The following ST6GALNAC3 variants were observed in gnomAD, a reference collection of about 807,000 sequenced individuals.
ST6GALNAC3 encodes alpha-N-acetylgalactosaminide alpha-2,6-sialyltransferase 3.
ST6GALNAC3 carries 25 observed loss-of-function variants against 32.7 expected under a neutral mutation model. The observed-to-expected ratio is 0.76, with a 90% confidence interval of 0.56 to 1.07. The LOEUF is 1.07. ST6GALNAC3 is among the 50% of genes least tolerant of loss of function. ST6GALNAC3 has a pLI of 0.00. For synonymous variants in ST6GALNAC3, 129 were observed against 133.1 expected, an observed-to-expected ratio of 0.97 and a Z score of 0.21; for missense variants, 355 against 382.4, an observed-to-expected ratio of 0.93 and a Z score of 0.60.
At chr1:76,510,971 A>G (rs181337540) in intron 3 of ST6GALNAC3, among the ~76,000 whole-genome samples, 1 of 152,328 alleles carries the variant, frequency 6.6e-6, no homozygotes, top group East Asian at 1.9e-4. Context: ...AGGTCAAACC[A>G]TCATAAATTG....
intron 3 of ST6GALNAC3, among the ~76,000 whole-genome samples, chr1:76,422,311 A>G (rs1216960291): frequency 6.6e-6 from 1 of 152,008 alleles, no homozygotes; most frequent in East Asian, 1.9e-4. Context: ...CCACTCAGAA[A>G]CAGTGCAATT....
chr1:76,512,328 A>G (rs552492259), intron 3 of ST6GALNAC3, among the ~76,000 whole-genome samples: 4 of 152,290 alleles, frequency 2.6e-5, no homozygotes, highest in African/African-American at 9.6e-5. Flanking sequence ...GTATGCATCC[A>G]TGCATACACC....
chr1:76,474,312 G>A (rs1458347120), intron 3 of ST6GALNAC3, among the ~76,000 whole-genome samples: 1 of 152,170 alleles, frequency 6.6e-6, no homozygotes, highest in East Asian at 1.9e-4. Flanking sequence ...CCAGATGTCA[G>A]GCAATGAGCT....
intron 1 of ST6GALNAC3, among the ~76,000 whole-genome samples, chr1:76,098,468 G>A (rs1442274604): frequency 6.6e-6 from 1 of 152,130 alleles, no homozygotes; most frequent in Non-Finnish European, 1.5e-5. Context: ...TTGCCATTCT[G>A]TTAGGTAGGC....
At chr1:76,208,039 G>A (rs1654919191) in intron 1 of ST6GALNAC3, among the ~76,000 whole-genome samples, 1 of 22,652 alleles carries the variant, frequency 4.4e-5, no homozygotes, top group South Asian at 5.9e-3. Context: ...CCACTCAAGA[G>A]TGCCCCCCCC....
At position 76,430,766 on chromosome 1, in the gene ST6GALNAC3, C is replaced by T. The variant is rs562091101; in HGVS notation, c.623+18349C>T. Among the ~76,000 whole-genome samples the T allele has an allele frequency of 2.0e-5, 3 of 152,244 alleles. No individual in the cohort carries two copies. The East Asian group carries it at 5.8e-4, about 29-fold the overall frequency. On this transcript the variant is annotated intron_variant, in intron 3 of 4. Transcript: ENST00000328299. ...GCCCCTCAAGGCTGTTTTTTCATCT[C>T]TCTGTGCAGAGTTCTCAGTGTATAT...
At chr1:76,546,520 G>A (rs991385533) in intron 3 of ST6GALNAC3, among the ~76,000 whole-genome samples, 2 of 152,100 alleles carry the variant, frequency 1.3e-5, no homozygotes, top group Non-Finnish European at 2.9e-5. Flanking sequence ...TGAGCAGCTC[G>A]GGCAACAGAA....
intron 3 of ST6GALNAC3, among the ~76,000 whole-genome samples, chr1:76,445,815 A>G (rs984073488): frequency 1.3e-5 from 2 of 151,794 alleles, no homozygotes; most frequent in Non-Finnish European, 2.9e-5. Flanking sequence ...GTAGCAGCCC[A>G]CTCCACCCCT....
chr1:76,227,538 A>G (rs1475091724), intron 1 of ST6GALNAC3, among the ~76,000 whole-genome samples: 1 of 152,238 alleles, frequency 6.6e-6, no homozygotes, highest in Non-Finnish European at 1.5e-5. Flanking sequence ...TGCAAAATAA[A>G]TTAAAATTGT....
At chr1:76,517,695 G>A (rs567957346) in intron 3 of ST6GALNAC3, among the ~76,000 whole-genome samples, 4 of 151,558 alleles carry the variant, frequency 2.6e-5, no homozygotes, top group African/African-American at 9.7e-5. Context: ...CATTTTTAAG[G>A]CTACTTATTT....
intron 1 of ST6GALNAC3, 61 bp downstream of exon 1, chr1:76,074,945 A>G (rs1646792035): frequency 1.9e-6 from 3 of 1,561,656 alleles, no homozygotes; most frequent in Non-Finnish European, 2.6e-6. Flanking sequence ...GCTCAGAGGC[A>G]CGGAGTCAGC....
At chr1:76,485,254 T>A (rs368013341) in intron 3 of ST6GALNAC3, among the ~76,000 whole-genome samples, 3 of 152,112 alleles carry the variant, frequency 2.0e-5, no homozygotes, top group Non-Finnish European at 2.9e-5. Flanking sequence ...GTTAGGGAGG[T>A]TTCCCTCTTT....
At chr1:76,435,473 A>G (rs529978208) in intron 3 of ST6GALNAC3, among the ~76,000 whole-genome samples, 105 of 152,166 alleles carry the variant, frequency 6.9e-4, no homozygotes, top group Non-Finnish European at 4.1e-4. Flanking sequence ...AAGGTTAAAG[A>G]AAGTTTTAAA....
intron 1 of ST6GALNAC3, among the ~76,000 whole-genome samples, chr1:76,274,561 GA>G (rs1305863787): frequency 6.6e-6 from 1 of 152,154 alleles, no homozygotes; most frequent in Non-Finnish European, 1.5e-5. Flanking sequence ...GAACATGAGT[GA>G]AAGCTATTTC....
At chr1:76,211,368 G>A (rs1181723312) in intron 1 of ST6GALNAC3, among the ~76,000 whole-genome samples, 4 of 152,204 alleles carry the variant, frequency 2.6e-5, no homozygotes, top group Admixed American at 2.6e-4. Context: ...CATTGTGGAA[G>A]TCAGTGTGGC....
rs915934170 is a variant in ST6GALNAC3 at position 76,631,586 on chromosome 1, T to C, written c.*2780T>C. 3 of 152,112 alleles carry C rather than the reference T, an allele frequency of 2.0e-5. No individual in the cohort carries two copies. Among genetic ancestry groups the C allele is most frequent in the African/African-American group, 7.2e-5 (3 of 41,440 alleles). The allele number at this position is 152,112 out of a possible 1,614,324, so 9.4% of individuals were successfully genotyped here. On this transcript the variant is annotated 3_prime_UTR_variant, in exon 5 of 5. Coordinates refer to ENST00000328299, the MANE Select transcript of ST6GALNAC3 (RefSeq NM_152996.4). ...ATTTCTGATCAATTCCCACAGATTC[T>C]GGTCAAATGAAAGATATTCTATCCA...
At chr1:76,312,151 CA>C (rs1192833799) in intron 1 of ST6GALNAC3, among the ~76,000 whole-genome samples, 1 of 125,486 alleles carries the variant, frequency 8.0e-6, no homozygotes, top group African/African-American at 2.9e-5. Context: ...TGACCTTTGA[CA>C]AACCTGACAA....
At chr1:76,418,262 G>C (rs544201148) in intron 3 of ST6GALNAC3, among the ~76,000 whole-genome samples, 2 of 152,098 alleles carry the variant, frequency 1.3e-5, no homozygotes, top group Non-Finnish European at 2.9e-5. Flanking sequence ...CAAACCTTTA[G>C]TAATATCTAG....
At chr1:76,118,450 G>T (rs1382846252) in intron 1 of ST6GALNAC3, among the ~76,000 whole-genome samples, 1 of 152,144 alleles carries the variant, frequency 6.6e-6, no homozygotes, top group African/African-American at 2.4e-5. Flanking sequence ...AAGAATCCCT[G>T]ACATAAACTG....
Sources: allele counts gnomAD v4.1 joint callset (sites outside exome capture counted in the v4.1 genomes callset), GRCh38; gene constraint gnomAD v4.1.1; transcripts MANE v1.5; gene names NCBI Gene and HGNC (gene_info 2026-07-23, HGNC 2026-07-21).